KCTD16: variants seen among roughly 807,000 people sequenced by gnomAD.
KCTD16 encodes the protein BTB/POZ domain-containing protein KCTD16.
A neutral mutation model predicts 33.2 loss-of-function variants in KCTD16; 13 were observed. The observed-to-expected ratio is 0.39, with a 90% CI of 0.25 to 0.62. The LOEUF is 0.62. Ranked by LOEUF, KCTD16 falls within the 20% of genes least tolerant of loss-of-function variation. The pLI, the probability that KCTD16 is intolerant of heterozygous loss-of-function variation, is 0.50. For missense variants in KCTD16, 441 were observed against 525.1 expected (o/e 0.84, Z 1.57); for synonymous variants, 197 against 195.3 (o/e 1.01, Z -0.07).
At chr5:144,221,501 A>G (rs769960037) in intron 3 of KCTD16, among the ~76,000 whole-genome samples, 5 of 151,992 alleles carry the variant, frequency 3.3e-5, no homozygotes, top group Non-Finnish European at 7.4e-5. Flanking sequence ...CTCACTTATG[A>G]GTGAGAACAT....
chr5:144,453,236 G>A (rs1753986415), intron 3 of KCTD16, among the ~76,000 whole-genome samples: 1 of 151,950 alleles, frequency 6.6e-6, no homozygotes, highest in Non-Finnish European at 1.5e-5. Context: ...CCCTCCCCTT[G>A]GTCGCCTCTG....
chr5:144,446,289 A>G (rs1753816037), intron 3 of KCTD16, among the ~76,000 whole-genome samples: 2 of 152,094 alleles, frequency 1.3e-5, no homozygotes, highest in African/African-American at 4.8e-5. Flanking sequence ...GTCTATGACA[A>G]AAACAAGCAA....
At chr5:144,440,449 C>T (rs750117795) in intron 3 of KCTD16, among the ~76,000 whole-genome samples, 13 of 152,124 alleles carry the variant, frequency 8.5e-5, no homozygotes, top group Non-Finnish European at 1.5e-4. Flanking sequence ...ACCTCCAATG[C>T]CTAAGAGTTC....
At chr5:144,388,207 G>A (rs555199755) in intron 3 of KCTD16, among the ~76,000 whole-genome samples, 111 of 150,474 alleles carry the variant, frequency 7.4e-4, no homozygotes, top group African/African-American at 2.6e-3. Flanking sequence ...AGCCTCCCGA[G>A]TAGCTGGGAC....
chr5:144,207,188 T>C lies in KCTD16; in HGVS notation c.474T>C (p.Pro158=). The change falls in exon 3 of 4, where the codon CCT becomes CCC. Residue 158 remains proline (P), a synonymous_variant. Coordinates refer to ENST00000512467, the MANE Select transcript of KCTD16 (RefSeq NM_020768.4). The part of the protein sequence containing the change: ...TRICPPSSLL[P]ADRKWGFITV... The stretch of plus-strand genomic sequence containing the variant: ...TCTGCCCCCCTTCCTCCCTGCTCCC[T>C]GCCGACCGCAAGTGGGGTTTCATTA... The C allele has an allele frequency of 6.2e-7, 1 of 1,613,366 alleles. No homozygotes were observed. Among genetic ancestry groups the C allele is most frequent in the African/African-American group, 1.3e-5 (1 of 74,984 alleles).
chr5:144,399,315 TG>T lies in KCTD16; in HGVS notation c.833-74344del, dbSNP rs767095840. ...GTATAAGCAGCCTACCATTAACTAA[TG>T]TTTTTTTTTCTTTCAATATTTTTTG... On this transcript the variant is annotated intron_variant, in intron 3 of 3. Coordinates refer to ENST00000512467, the MANE Select transcript of KCTD16 (RefSeq NM_020768.4). Among the ~76,000 whole-genome samples, 5 of 152,246 alleles carry T rather than the reference TG, an allele frequency of 3.3e-5. No individual in the cohort carries two copies. In the East Asian group the frequency reaches 5.8e-4, roughly 18 times the overall value.
At chr5:144,184,920 G>A (rs575558714) in intron 2 of KCTD16, among the ~76,000 whole-genome samples, 9 of 152,256 alleles carry the variant, frequency 5.9e-5, no homozygotes, top group African/African-American at 2.2e-4. Context: ...CATGGTAAGA[G>A]CCATTTCCCT....
intron 3 of KCTD16, among the ~76,000 whole-genome samples, chr5:144,235,728 G>A (rs1754232959): frequency 6.6e-6 from 1 of 152,032 alleles, no homozygotes; most frequent in Admixed American, 6.6e-5. Context: ...ATATTATAAT[G>A]TTCTCTATAT....
At chr5:144,371,456 G>T (rs1406647262) in intron 3 of KCTD16, among the ~76,000 whole-genome samples, 1 of 152,120 alleles carries the variant, frequency 6.6e-6, no homozygotes, top group African/African-American at 2.4e-5. Flanking sequence ...TTGCCCAAAT[G>T]ACAACCTCTC....
In KCTD16 at chr5:144,482,241, T is replaced by C. The variant is rs1036969072; in HGVS notation, c.*8127T>C. On this transcript the variant is annotated 3_prime_UTR_variant, in exon 4 of 4. Transcript: ENST00000512467. ...GTTTTTTTTGTTTGTTTGTGACTTG[T>C]ATCTGCCTAGGAGGTAAAGAAAGGG... The C allele has an allele frequency of 6.6e-6, 1 of 151,948 alleles. No homozygotes were observed. The highest frequency in any genetic ancestry group is 6.6e-5 in the Admixed American group (1 of 15,218). 9.4% of individuals were successfully genotyped at this position (151,948 alleles called of 1,614,324 possible). A position where few individuals can be genotyped will look rare whatever the true frequency, so the allele number is the denominator to read the frequency against.
At chr5:144,312,128 T>A (rs755998062) in intron 3 of KCTD16, among the ~76,000 whole-genome samples, 3 of 152,160 alleles carry the variant, frequency 2.0e-5, no homozygotes, top group Non-Finnish European at 4.4e-5. Context: ...ACTGCTCTCT[T>A]AGAATAAAGA....
intron 3 of KCTD16, among the ~76,000 whole-genome samples, chr5:144,211,665 G>A (rs1183382806): frequency 2.0e-5 from 3 of 152,228 alleles, no homozygotes; most frequent in African/African-American, 7.2e-5. Context: ...TCTGAAACAT[G>A]TCCAGTTCAG....
chr5:144,344,790 A>C (rs1752742243), intron 3 of KCTD16, among the ~76,000 whole-genome samples: 1 of 150,334 alleles, frequency 6.7e-6, no homozygotes, highest in East Asian at 1.9e-4. Context: ...TGTGGAAGTC[A>C]GTGTGGCGAT....
intron 3 of KCTD16, among the ~76,000 whole-genome samples, chr5:144,425,809 A>G (rs775244056): frequency 1.3e-5 from 2 of 152,048 alleles, no homozygotes; most frequent in Non-Finnish European, 2.9e-5. Flanking sequence ...ACCTGAAACT[A>G]TTCTGCCCTC....
chr5:144,219,492 G>T (rs564642357), intron 3 of KCTD16, among the ~76,000 whole-genome samples: 2 of 147,084 alleles, frequency 1.4e-5, no homozygotes, highest in African/African-American at 2.5e-5. Flanking sequence ...AGGATGACAG[G>T]CATGAGCCAC....
At chr5:144,288,587 A>G (rs887943769) in intron 3 of KCTD16, among the ~76,000 whole-genome samples, 3 of 152,234 alleles carry the variant, frequency 2.0e-5, no homozygotes, top group Non-Finnish European at 4.4e-5. Context: ...TCTAGGTGAG[A>G]AAAAAGAGGA....
At chr5:144,323,215 T>C (rs1475494219) in intron 3 of KCTD16, among the ~76,000 whole-genome samples, 1 of 152,136 alleles carries the variant, frequency 6.6e-6, no homozygotes, top group African/African-American at 2.4e-5. Flanking sequence ...ACTATACTTT[T>C]ACCAACTGAG....
At chr5:144,423,407 C>G (rs941339325) in intron 3 of KCTD16, among the ~76,000 whole-genome samples, 5 of 152,116 alleles carry the variant, frequency 3.3e-5, no homozygotes, top group African/African-American at 1.2e-4. Flanking sequence ...ATTACAGGCA[C>G]AGAGGAGAGA....
At chr5:144,209,117 C>A (rs1050437248) in intron 3 of KCTD16, among the ~76,000 whole-genome samples, 1 of 152,120 alleles carries the variant, frequency 6.6e-6, no homozygotes, top group Admixed American at 6.5e-5. Flanking sequence ...TAATATTTAC[C>A]ATGTTCTCCG....
Sources: gnomAD v4.1 joint callset for allele counts (sites outside exome capture counted in the v4.1 genomes callset) on GRCh38, gnomAD v4.1.1 for gene constraint, MANE v1.5 for transcripts, NCBI Gene and HGNC (gene_info 2026-07-23, HGNC 2026-07-21) for gene names.